The following SCOC variants were observed in gnomAD, a reference collection of about 807,000 sequenced individuals.
The protein encoded by SCOC is short coiled-coil protein.
Under a neutral mutation model 9.9 loss-of-function variants are expected in SCOC, and 7 were observed. The ratio of observed to expected loss-of-function variants is 0.71; its 90% CI spans 0.40 to 1.33. SCOC has a LOEUF of 1.33. Ranked by LOEUF, SCOC falls within the 40% of genes most tolerant of loss-of-function variation. The pLI is 0.01. For missense variants in SCOC, 66 were observed against 89.7 expected (o/e 0.74, Z 1.07); for synonymous variants, 19 against 28.2 (o/e 0.67, Z 1.03).
intron 1 of SCOC, among the ~76,000 whole-genome samples, chr4:140,302,290 T>C (rs989962580): frequency 6.6e-6 from 1 of 152,174 alleles, no homozygotes; most frequent in Non-Finnish European, 1.5e-5. Context: ...CAAAGGGGTC[T>C]TTGTCTTTTC....
intron 1 of SCOC, among the ~76,000 whole-genome samples, chr4:140,286,386 A>G (rs1040093492): frequency 2.5e-4 from 38 of 152,076 alleles, no homozygotes; most frequent in African/African-American, 8.4e-4. Context: ...AAAAAACAAA[A>G]AACAGAGGGA....
At chr4:140,301,668 G>A (rs532749587) in intron 1 of SCOC, among the ~76,000 whole-genome samples, 8 of 152,172 alleles carry the variant, frequency 5.3e-5, no homozygotes, top group African/African-American at 1.9e-4. Flanking sequence ...AAAATCAGAC[G>A]AGAGTCTGGG....
intron 1 of SCOC, among the ~76,000 whole-genome samples, chr4:140,314,876 T>C (rs1732268095): frequency 6.6e-6 from 1 of 152,180 alleles, no homozygotes; most frequent in South Asian, 2.1e-4. Flanking sequence ...CACCAAGTTC[T>C]CCACAAGGTG....
chr4:140,378,313 C>T (rs961460463), intron 1 of SCOC, among the ~76,000 whole-genome samples: 2 of 152,162 alleles, frequency 1.3e-5, no homozygotes, highest in Admixed American at 1.3e-4. Context: ...TTATCTTCAT[C>T]CATACCGTCA....
chr4:140,288,214 A>G (rs1731355298), intron 1 of SCOC, among the ~76,000 whole-genome samples: 1 of 152,024 alleles, frequency 6.6e-6, no homozygotes, highest in African/African-American at 2.4e-5. Context: ...TCACACATGC[A>G]CACCCCATGT....
intron 1 of SCOC, among the ~76,000 whole-genome samples, chr4:140,298,930 T>C (rs1731731554): frequency 1.3e-5 from 2 of 152,148 alleles, no homozygotes; most frequent in African/African-American, 4.8e-5. Flanking sequence ...ATCCTCCCAC[T>C]TCAGCCTCCT....
intron 2 of SCOC, among the ~76,000 whole-genome samples, chr4:140,364,285 G>T (rs1004309857): frequency 2.0e-5 from 3 of 152,098 alleles, no homozygotes; most frequent in Non-Finnish European, 2.9e-5. Context: ...AGAATTTAAT[G>T]CTGGCAAAGG....
chr4:140,379,060 A>G (rs975878606), intron 1 of SCOC, 61 bp from the exon 2 acceptor site: 11 of 1,028,494 alleles, frequency 1.1e-5, no homozygotes, highest in Admixed American at 3.5e-5. Context: ...TCCTCCTTTG[A>G]AAAACAGGCT....
At position 140,382,021 on chromosome 4, in the gene SCOC, T is replaced by C. The variant is rs1304358362; in HGVS notation, c.*917T>C. On this transcript the variant is annotated 3_prime_UTR_variant, in exon 4 of 4. Coordinates refer to ENST00000608372, the MANE Select transcript of SCOC (RefSeq NM_001153484.2). ...AGTGGATTAAGTTTGACTACCCTTA[T>C]GTTAGCCACATCTGGATGAGAACAG... 2 of 152,206 alleles carry C rather than the reference T, an allele frequency of 1.3e-5. No individual in the cohort carries two copies. Among genetic ancestry groups the C allele is most frequent in the Non-Finnish European group, 2.9e-5 (2 of 68,028 alleles). 9.4% of individuals were successfully genotyped at this position (152,206 alleles called of 1,614,324 possible). A position where few individuals can be genotyped will look rare whatever the true frequency, so the allele number is the denominator to read the frequency against.
chr4:140,344,164 A>G (rs1726615840), intron 2 of SCOC, among the ~76,000 whole-genome samples: 3 of 152,232 alleles, frequency 2.0e-5, no homozygotes, highest in Admixed American at 2.0e-4. Context: ...GCTGAATTCA[A>G]CATGAGAGAA....
chr4:140,333,909 TCTTA>T (rs900921380), intron 1 of SCOC, among the ~76,000 whole-genome samples: 47 of 152,312 alleles, frequency 3.1e-4, no homozygotes, highest in African/African-American at 1.1e-3. Flanking sequence ...TGCCATATTC[TCTTA>T]CTATTATTAT....
intron 1 of SCOC, among the ~76,000 whole-genome samples, chr4:140,275,159 C>T (rs1280352667): frequency 2.0e-5 from 3 of 152,178 alleles, no homozygotes; most frequent in African/African-American, 4.8e-5. Flanking sequence ...ATTTTTACTC[C>T]AGTCTATCTT....
exon 1 of SCOC, chr4:140,343,462 AC>A (rs1297779977): frequency 1.9e-6 from 1 of 540,038 alleles, no homozygotes; most frequent in Admixed American, 3.1e-5. Flanking sequence ...TAAGAATGCA[AC>A]ACTCAGGTGA....
At chr4:140,329,616 A>G (rs1732750512) in intron 1 of SCOC, among the ~76,000 whole-genome samples, 1 of 152,280 alleles carries the variant, frequency 6.6e-6, no homozygotes, top group East Asian at 1.9e-4. Context: ...AAAAACAAAC[A>G]ATCCCATCAA....
At chr4:140,374,301 G>A (rs149173237) in intron 1 of SCOC, 29 of 389,014 alleles carry the variant, frequency 7.5e-5, no homozygotes, top group African/African-American at 4.4e-4. Flanking sequence ...GGAGAAAGAG[G>A]ATACATTCCT....
At chr4:140,373,928 C>A (rs1362914705) in intron 1 of SCOC, 13 of 700,916 alleles carry the variant, frequency 1.9e-5, no homozygotes, top group Middle Eastern at 4.9e-4. Flanking sequence ...CTCCTGTTTT[C>A]GTTGTCAGGC....
chr4:140,308,313 G>C (rs1236503641), intron 1 of SCOC, among the ~76,000 whole-genome samples: 5 of 152,140 alleles, frequency 3.3e-5, no homozygotes, highest in Non-Finnish European at 5.9e-5. Flanking sequence ...CACCTGCTCT[G>C]TTTCCTCCAC....
At chr4:140,367,421 C>T (rs191968282) in intron 2 of SCOC, among the ~76,000 whole-genome samples, 1 of 151,396 alleles carries the variant, frequency 6.6e-6, no homozygotes, top group Non-Finnish European at 1.5e-5. Context: ...GCTGTGTTGC[C>T]CAGGCTGGAG....
At chr4:140,304,217 AC>A (rs1468919877) in intron 1 of SCOC, among the ~76,000 whole-genome samples, 1 of 152,140 alleles carries the variant, frequency 6.6e-6, no homozygotes, top group East Asian at 1.9e-4. Context: ...TAACTACAAG[AC>A]ACTGGTGACA....
Sources: allele counts gnomAD v4.1 joint callset (sites outside exome capture counted in the v4.1 genomes callset), GRCh38; gene constraint gnomAD v4.1.1; transcripts MANE v1.5; gene names NCBI Gene and HGNC (gene_info 2026-07-23, HGNC 2026-07-21).